The following TBC1D7 variants were observed in gnomAD, a reference collection of about 807,000 sequenced individuals.
TBC1D7 encodes the protein TBC domain family 7.
In TBC1D7, 33 loss-of-function variants were observed where a neutral mutation model predicts 35.3. The ratio of observed to expected loss-of-function variants is 0.93; its 90% CI spans 0.71 to 1.25. The LOEUF is 1.25. Ranked by LOEUF, TBC1D7 falls within the 50% of genes most tolerant of loss-of-function variation. The probability of loss-of-function intolerance (pLI) is 0.00; values close to 1 mark genes in which losing one functional copy is unlikely to be tolerated. For synonymous variants in TBC1D7, 135 were observed against 129.5 expected, an observed-to-expected ratio of 1.04 and a Z score of -0.29; for missense variants, 362 against 365.3, an observed-to-expected ratio of 0.99 and a Z score of 0.07.
At chr6:13,306,692 C>A (rs954589336) in intron 6 of TBC1D7, 165 bp from the exon 7 acceptor site, 2 of 490,922 alleles carry the variant, frequency 4.1e-6, no homozygotes, top group South Asian at 3.7e-5. Context: ...AATACAGAAG[C>A]CATTTGAAAT....
intron 5 of TBC1D7, among the ~76,000 whole-genome samples, chr6:13,313,144 T>C (rs906886289): frequency 1.3e-5 from 2 of 152,302 alleles, no homozygotes; most frequent in South Asian, 4.1e-4. Flanking sequence ...CCATTTTATG[T>C]AAGGGACTTG....
chr6:13,307,383 CTTCACAGCA>C (rs1782882108), intron 6 of TBC1D7: 5 of 482,994 alleles, frequency 1.0e-5, no homozygotes, highest in Middle Eastern at 1.1e-3. Context: ...GGTGTGACTG[CTTCACAGCA>C]TCTAACGCAC....
rs749654988 is a variant in TBC1D7 at position 13,320,778 on chromosome 6, G to A, written c.381+130C>T. ...ATGGCCATGAATGCCAAGTAAAGAT[G>A]TGTCACTTTTATTCTAATAACAACA... On this transcript the variant is annotated intron_variant, in intron 4 of 7. Transcript: ENST00000379300. The A allele has an allele frequency of 9.3e-6, 8 of 862,468 alleles. No individual in the cohort carries two copies. In the Admixed American group the frequency reaches 1.4e-4, roughly 15 times the overall value. The allele number at this position is 862,468 out of a possible 1,614,324, so 53.4% of individuals were successfully genotyped here. A position where few individuals can be genotyped will look rare whatever the true frequency, so the allele number is the denominator to read the frequency against.
chr6:13,324,311 T>A, intron 3 of TBC1D7, among the ~76,000 whole-genome samples: 1 of 152,064 alleles, frequency 6.6e-6, no homozygotes, highest in Non-Finnish European at 1.5e-5. Flanking sequence ...GTATTTTTAG[T>A]AGAGAGGGGG....
At chr6:13,307,795 C>T in intron 5 of TBC1D7, 50 bp from the exon 6 acceptor site, 1 of 1,565,372 alleles carries the variant, frequency 6.4e-7, no homozygotes, top group South Asian at 1.1e-5. Context: ...GTCATAACAT[C>T]ATCTGATATT....
intron 5 of TBC1D7, among the ~76,000 whole-genome samples, chr6:13,315,518 G>A (rs1023545710): frequency 3.3e-5 from 5 of 152,048 alleles, no homozygotes; most frequent in East Asian, 3.9e-4. Context: ...GTTCAAGACC[G>A]GCCTGACCAA....
chr6:13,316,773 T>TA, intron 4 of TBC1D7, 65 bp from the exon 5 acceptor site: 5 of 1,564,922 alleles, frequency 3.2e-6, no homozygotes, highest in South Asian at 2.3e-5. Context: ...ATTTCTTTAA[T>TA]AAAAAATGAA....
rs765442501 is a variant in TBC1D7, at chr6:13,306,496, T to C, written c.697A>G (p.Lys233Glu). The change falls in exon 7 of 8, where the codon AAG (lysine) becomes GAG (glutamate). Residue 233 changes from lysine to glutamate, a missense_variant. Transcript: ENST00000379300. ...TCGACAGCTACAAAAACTAGGATCT[T>C]ACAGGATCCACTCACAACTTTATCC... Reference protein sequence around the residue: ...VWDKVVSGSCKILVFVAVEIL... With the variant: ...VWDKVVSGSCEILVFVAVEIL... 6.2e-7 allele frequency: 1 copy of C among 1,608,842 alleles called. No homozygotes were observed. Among genetic ancestry groups the C allele is most frequent in the Admixed American group, 1.7e-5 (1 of 58,776 alleles).
chr6:13,319,289 ATCT>A (rs1783854836), intron 4 of TBC1D7: 1 of 152,058 alleles, frequency 6.6e-6, no homozygotes, highest in Admixed American at 6.6e-5. Context: ...GAGAAATCCC[ATCT>A]TTACTAAAAA....
At chr6:13,318,073 A>C (rs1783763079) in intron 4 of TBC1D7, 1 of 152,466 alleles carries the variant, frequency 6.6e-6, no homozygotes, top group African/African-American at 2.4e-5. Context: ...CTGGGTGAGC[A>C]CGTTGGCACG....
Position 13,305,021 on chromosome 6 carries a change from A to T in TBC1D7, c.*80T>A. On this transcript the variant is annotated 3_prime_UTR_variant, in exon 8 of 8. Transcript: ENST00000379300. ...CCAAAGCAAGAAAAGTGTATTATTCAATCAGTTTCCCAGATCACATGCCAA... is the reference window on the plus strand; with the variant it reads ...CCAAAGCAAGAAAAGTGTATTATTCTATCAGTTTCCCAGATCACATGCCAA... 8.4e-7 allele frequency: 1 copy of T among 1,193,860 alleles called. No individual in the cohort carries two copies. The highest frequency in any genetic ancestry group is 1.2e-6 in the Non-Finnish European group (1 of 850,918). The allele number at this position is 1,193,860 out of a possible 1,614,324, so 74.0% of individuals were successfully genotyped here.
intron 3 of TBC1D7, 37 bp from the exon 4 acceptor site, chr6:13,321,132 A>G (rs1409757837): frequency 6.4e-7 from 1 of 1,562,604 alleles, no homozygotes; most frequent in South Asian, 1.2e-5. Context: ...AGGACAAAAT[A>G]CTGAGCCATC....
chr6:13,326,438 G>C (rs1784409708), intron 2 of TBC1D7, among the ~76,000 whole-genome samples: 1 of 151,116 alleles, frequency 6.6e-6, no homozygotes, highest in Non-Finnish European at 1.5e-5. Context: ...ACTACAGCCT[G>C]GGCAACAGAG....
chr6:13,320,844 C>A (rs1030970980), intron 4 of TBC1D7, 64 bp downstream of exon 4: 8 of 1,538,188 alleles, frequency 5.2e-6, no homozygotes, highest in Non-Finnish European at 7.2e-6. Flanking sequence ...ATGATGTAAT[C>A]AAAGGCCGGC....
intron 5 of TBC1D7, among the ~76,000 whole-genome samples, chr6:13,308,167 G>A (rs1462696882): frequency 6.6e-6 from 1 of 152,226 alleles, no homozygotes; most frequent in Non-Finnish European, 1.5e-5. Context: ...AAGGGGGAAA[G>A]AGGAAAGGTA....
intron 5 of TBC1D7, among the ~76,000 whole-genome samples, chr6:13,314,479 C>T (rs562682603): frequency 1.3e-5 from 2 of 151,988 alleles, no homozygotes; most frequent in Admixed American, 6.6e-5. Flanking sequence ...CTGACTTACT[C>T]GAATATTAAA....
At chr6:13,327,100 T>C (rs1784451813) in intron 1 of TBC1D7, 194 bp from the exon 2 acceptor site, 1 of 427,528 alleles carries the variant, frequency 2.3e-6, no homozygotes, top group Non-Finnish European at 4.1e-6. Context: ...CTATGCATCT[T>C]GGCTAAAAAC....
intron 4 of TBC1D7, 176 bp downstream of exon 4, chr6:13,320,729 TAAG>T (rs1562169732): frequency 1.4e-6 from 1 of 709,032 alleles, no homozygotes; most frequent in East Asian, 2.6e-5. Flanking sequence ...AAACAAAAAG[TAAG>T]AAGGTTGGGT....
intron 2 of TBC1D7, 102 bp downstream of exon 2, chr6:13,326,685 C>T: frequency 1.6e-6 from 1 of 640,550 alleles, no homozygotes; most frequent in Non-Finnish European, 2.5e-6. Flanking sequence ...CTAAAAAATA[C>T]AGCAAGTAAC....
Sources: allele counts gnomAD v4.1 joint callset (sites outside exome capture counted in the v4.1 genomes callset), GRCh38; gene constraint gnomAD v4.1.1; transcripts MANE v1.5; gene names NCBI Gene and HGNC (gene_info 2026-07-23, HGNC 2026-07-21).